The following CACNA1D variants were observed in gnomAD, a reference collection of about 807,000 sequenced individuals.
The protein encoded by CACNA1D is calcium voltage-gated channel subunit alpha1 D, also known as voltage-dependent L-type calcium channel subunit alpha-1D.
Under a neutral mutation model 257.1 loss-of-function variants are expected in CACNA1D, and 55 were observed. That is an observed-to-expected ratio of 0.21 (90% CI 0.17 to 0.27). The LOEUF (loss-of-function observed/expected upper bound fraction) is 0.27, where lower values mean the gene tolerates loss of function less well. Ranked by LOEUF, CACNA1D falls within the 10% of genes least tolerant of loss-of-function variation. The pLI is 1.00. For synonymous variants in CACNA1D, 980 were observed against 1,014.9 expected, an observed-to-expected ratio of 0.97 and a Z score of 0.65; for missense variants, 1,876 against 2,784.0, an observed-to-expected ratio of 0.67 and a Z score of 7.34.
chr3:53,596,491 A>G (rs1159424921), intron 3 of CACNA1D, among the ~76,000 whole-genome samples: 1 of 152,196 alleles, frequency 6.6e-6, no homozygotes, highest in African/African-American at 2.4e-5. Context: ...GTTACCTTAC[A>G]TGGCAAAAGG....
chr3:53,730,663 G>A (rs1559586724), intron 16 of CACNA1D, 107 bp downstream of exon 16: 4 of 850,608 alleles, frequency 4.7e-6, no homozygotes, highest in East Asian at 2.6e-5. Flanking sequence ...TGCAGCCCCC[G>A]GGTTGCTGCT....
rs551570567 is a variant in CACNA1D, at chr3:53,751,366, G to A, written c.3517-383G>A. 2.0e-5 allele frequency among the ~76,000 whole-genome samples: 3 copies of A among 152,176 alleles called. No individual in the cohort carries two copies. The highest frequency in any genetic ancestry group is 3.9e-4 in the East Asian group (2 of 5,190). On this transcript the variant is annotated intron_variant, in intron 27 of 47. Transcript: ENST00000350061. This position sits in a 1 kb window ranked among gnomAD's most constrained non-coding sequence, Gnocchi z 4.3. ...GGTGTGATCCACCTATAGATCCCCC[G>A]TATGTGTGATAAAGAGGAAAGGCAG...
chr3:53,623,081 C>T (rs985714904), intron 3 of CACNA1D, among the ~76,000 whole-genome samples: 4 of 152,110 alleles, frequency 2.6e-5, no homozygotes, highest in South Asian at 4.1e-4. Flanking sequence ...TTACTAGGGA[C>T]GGGGTTTCAC....
chr3:53,507,983 G>GA (rs72571471), intron 3 of CACNA1D, among the ~76,000 whole-genome samples: 46 of 151,846 alleles, frequency 3.0e-4, no homozygotes, highest in African/African-American at 9.4e-4. Context: ...GGAAAGGGGG[G>GA]GCTGAAAAGA....
Position 53,803,460 on chromosome 3 carries a change from C to T in CACNA1D, c.5473C>T (p.Arg1825Trp), listed in dbSNP as rs144688228. Residue 1825 changes from arginine to tryptophan, a missense_variant, in exon 44 of 48, where the codon CGG becomes TGG. Transcript: ENST00000350061. ...AGATGAACAGCTCCCAACTATTTGC[C>T]GGGAAGACCCAGAGATACATGGCTA... is the stretch of plus-strand genomic sequence containing the variant. Reference protein sequence around the residue: ...SGDEQLPTICREDPEIHGYFR... With the variant: ...SGDEQLPTICWEDPEIHGYFR... The T allele has an allele frequency of 2.6e-4, 421 of 1,614,200 alleles. 4 individuals are homozygous for T. The highest frequency in any genetic ancestry group is 1.1e-3 in the South Asian group (97 of 91,086).
intron 4 of CACNA1D, among the ~76,000 whole-genome samples, chr3:53,652,447 ACT>A (rs1428016306): frequency 6.6e-6 from 1 of 152,060 alleles, no homozygotes; most frequent in Non-Finnish European, 1.5e-5. Flanking sequence ...GCCTTAGAGT[ACT>A]CTTCAGTTTT....
intron 3 of CACNA1D, among the ~76,000 whole-genome samples, chr3:53,617,618 A>G (rs1243462926): frequency 6.6e-6 from 1 of 152,148 alleles, no homozygotes; most frequent in African/African-American, 2.4e-5. Flanking sequence ...GCTGAGGAAA[A>G]GGAAGTGTGG....
chr3:53,626,596 A>T (rs1333203163), intron 3 of CACNA1D, among the ~76,000 whole-genome samples: 2 of 152,116 alleles, frequency 1.3e-5, no homozygotes, highest in Non-Finnish European at 2.9e-5. Flanking sequence ...AACATGGATA[A>T]AGTCACACTC....
At position 53,673,951 on chromosome 3, in the gene CACNA1D, A is replaced by G; in HGVS notation, c.1220+825A>G. 1 of 727,244 alleles carries G rather than the reference A, an allele frequency of 1.4e-6. No homozygotes were observed. The highest frequency in any genetic ancestry group is 2.6e-6 in the Non-Finnish European group (1 of 390,356). The allele number at this position is 727,244 out of a possible 1,614,324, so 45.0% of individuals were successfully genotyped here. On this transcript the variant is annotated intron_variant, in intron 8 of 47. Transcript: ENST00000350061. This position sits in a 1 kb window ranked among gnomAD's most constrained non-coding sequence, Gnocchi z 4.1. ...TGTCCTCTCAGTGTGTTGCTTTTGGATTGAACTGTGATTCTTTCTGCCTGT... is the reference window on the plus strand; with the variant it reads ...TGTCCTCTCAGTGTGTTGCTTTTGGGTTGAACTGTGATTCTTTCTGCCTGT...
At chr3:53,584,819 C>G (rs1471294096) in intron 3 of CACNA1D, among the ~76,000 whole-genome samples, 1 of 151,954 alleles carries the variant, frequency 6.6e-6, no homozygotes, top group Non-Finnish European at 1.5e-5. Context: ...GGCACACCAG[C>G]CTTGCTGTTT....
intron 3 of CACNA1D, among the ~76,000 whole-genome samples, chr3:53,634,297 A>G (rs1467983291): frequency 6.6e-6 from 1 of 152,196 alleles, no homozygotes; most frequent in Non-Finnish European, 1.5e-5. Context: ...TCTAACATGA[A>G]TCATTATTAA....
At chr3:53,676,675 G>A (rs973002504) in intron 8 of CACNA1D, among the ~76,000 whole-genome samples, 1 of 152,356 alleles carries the variant, frequency 6.6e-6, no homozygotes, top group Admixed American at 6.5e-5. Context: ...GCTCCGTCAT[G>A]TGTGTGGCCA....
At chr3:53,588,943 A>G (rs1459155192) in intron 3 of CACNA1D, among the ~76,000 whole-genome samples, 1 of 152,158 alleles carries the variant, frequency 6.6e-6, no homozygotes, top group Admixed American at 6.6e-5. Context: ...TTTTTGGAGA[A>G]CACCTTTAAT....
rs750088390 is a variant in CACNA1D, at chr3:53,745,897, T to C, written c.3167+22T>C. ...GCAGGTGAGCGTCCTGAGAGTGGAGTAGGGGACTTAGAAGAGCAAATAGCA... is the reference window on the plus strand; with the variant it reads ...GCAGGTGAGCGTCCTGAGAGTGGAGCAGGGGACTTAGAAGAGCAAATAGCA... On this transcript the variant is annotated intron_variant, in intron 25 of 47. Transcript: ENST00000350061. 9 of 1,593,482 alleles carry C rather than the reference T, an allele frequency of 5.6e-6. 1 individual carries two copies. The South Asian group carries it at 9.9e-5, about 18-fold the overall frequency.
chr3:53,650,975 G>C (rs192478951), intron 4 of CACNA1D, 57 bp downstream of exon 4: 69 of 1,456,736 alleles, frequency 4.7e-5, no homozygotes, highest in East Asian at 6.8e-5. Flanking sequence ...GTGGAGGTTG[G>C]GGGGGGTGGT....
At position 53,749,326 on chromosome 3, in the gene CACNA1D, C is replaced by T. The variant is rs2095203758; in HGVS notation, c.3373C>T (p.Arg1125Cys). The T allele has an allele frequency of 4.3e-6, 7 of 1,613,544 alleles. No homozygotes were observed. The highest frequency in any genetic ancestry group is 5.9e-6 in the Non-Finnish European group (7 of 1,179,460). Residue 1125 changes from arginine (R) to cysteine (C), a missense_variant, in exon 27 of 48, where the codon CGC (arginine) becomes TGC (cysteine). Arg to Cys is a radical substitution (Grantham distance 180). Coordinates refer to ENST00000350061, the MANE Select transcript of CACNA1D (RefSeq NM_001128840.3). ...GENIGPIYNHRVEISIFFIIY... is the reference protein window; with the variant it reads ...GENIGPIYNHCVEISIFFIIY... ...GAACATCGGCCCAATCTACAACCAC[C>T]GCGTGGAGATCTCCATCTTCTTCAT...
rs775480398 is a variant in CACNA1D at position 53,747,448 on chromosome 3, C to G, written c.3314C>G (p.Ala1105Gly). 10 of 1,614,128 alleles carry G rather than the reference C, an allele frequency of 6.2e-6. No homozygotes were observed. In the South Asian group the frequency reaches 1.1e-4, roughly 18 times the overall value. Residue 1105 changes from alanine to glycine, a missense_variant and splice_region_variant, in exon 26 of 48, where the codon GCG (alanine) becomes GGG (glycine). Ala to Gly is a moderately conservative substitution (Grantham distance 60, BLOSUM62 0). Coordinates refer to ENST00000350061, the MANE Select transcript of CACNA1D (RefSeq NM_001128840.3). ...FTVSTFEGWP[A>G]LLYKAIDSNG... ...GTCTCCACGTTTGAGGGCTGGCCTGCGTAAGTACAGGGAGCACACAGTCTT... is the reference window on the plus strand; with the variant it reads ...GTCTCCACGTTTGAGGGCTGGCCTGGGTAAGTACAGGGAGCACACAGTCTT...
At chr3:53,582,901 C>T (rs185064332) in intron 3 of CACNA1D, among the ~76,000 whole-genome samples, 18 of 152,302 alleles carry the variant, frequency 1.2e-4, no homozygotes, top group Non-Finnish European at 1.6e-4. Flanking sequence ...TACATGTGCA[C>T]CTTTCCCCCA....
chr3:53,707,428 G>C (rs964911032), intron 9 of CACNA1D, among the ~76,000 whole-genome samples: 2 of 152,132 alleles, frequency 1.3e-5, no homozygotes, highest in African/African-American at 4.8e-5. Context: ...GAAGAGGAGA[G>C]GCAATCAGGC....
Sources: gnomAD v4.1 joint callset for allele counts (sites outside exome capture counted in the v4.1 genomes callset) on GRCh38, gnomAD v4.1.1 for gene constraint, Gnocchi (gnomAD v3.1) non-coding constraint, MANE v1.5 for transcripts, NCBI Gene and HGNC (gene_info 2026-07-23, HGNC 2026-07-21) for gene names.